The following BLZF1 variants were observed in gnomAD, a reference collection of about 807,000 sequenced individuals.
BLZF1 encodes golgin-45.
A neutral mutation model predicts 43.8 loss-of-function variants in BLZF1; 39 were observed. The ratio of observed to expected loss-of-function variants is 0.89; its 90% CI spans 0.69 to 1.16. The LOEUF is 1.16. BLZF1 is among the 50% of genes most tolerant of loss of function. The pLI, the probability that BLZF1 is intolerant of heterozygous loss-of-function variation, is 0.00. For missense variants in BLZF1, 449 were observed against 469.8 expected, an observed-to-expected ratio of 0.96 and a Z score of 0.41; for synonymous variants, 136 against 159.4, an observed-to-expected ratio of 0.85 and a Z score of 1.11.
chr1:169,381,738 A>G (rs1654533566), intron 5 of BLZF1, among the ~76,000 whole-genome samples: 2 of 152,174 alleles, frequency 1.3e-5, no homozygotes, highest in African/African-American at 4.8e-5. Flanking sequence ...GAATCAATTA[A>G]TGTAACTCAC....
At chr1:169,383,276 C>A (rs1358913145) in intron 6 of BLZF1, among the ~76,000 whole-genome samples, 1 of 152,180 alleles carries the variant, frequency 6.6e-6, no homozygotes, top group African/African-American at 2.4e-5. Flanking sequence ...GCATACATTT[C>A]TCTCAGAGGA....
chr1:169,390,587 ACT>A (rs1654793859), downstream of BLZF1, among the ~76,000 whole-genome samples: 1 of 152,164 alleles, frequency 6.6e-6, no homozygotes, highest in Admixed American at 6.5e-5. Flanking sequence ...GTATTAGTCC[ACT>A]CTCATGGTGC....
At chr1:169,374,169 C>T (rs1368550640) in intron 2 of BLZF1, among the ~76,000 whole-genome samples, 1 of 144,212 alleles carries the variant, frequency 6.9e-6, no homozygotes, top group Non-Finnish European at 1.5e-5. Flanking sequence ...ATTTCAAGAC[C>T]ATTCTGGACA....
At chr1:169,374,592 T>G (rs553942769) in intron 2 of BLZF1, among the ~76,000 whole-genome samples, 38 of 152,276 alleles carry the variant, frequency 2.5e-4, no homozygotes, top group African/African-American at 8.9e-4. Flanking sequence ...CTCAGCTATG[T>G]TTCCACCTCC....
chr1:169,388,000 A>G lies in BLZF1; in HGVS notation c.*818A>G, dbSNP rs1278968349. 1 of 152,166 alleles carries G rather than the reference A, an allele frequency of 6.6e-6. No homozygotes were observed. Among genetic ancestry groups the G allele is most frequent in the Non-Finnish European group, 1.5e-5 (1 of 68,018 alleles). 9.4% of individuals were successfully genotyped at this position (152,166 alleles called of 1,614,324 possible). A position where few individuals can be genotyped will look rare whatever the true frequency, so the allele number is the denominator to read the frequency against. On this transcript the variant is annotated 3_prime_UTR_variant, in exon 7 of 7. Transcript: ENST00000367808. ...CCAACTTGATATTTATAAAAGGTAG[A>G]CTTTTTCCAAAAGTGTATAAGCTCA...
chr1:169,380,582 T>C lies in BLZF1; in HGVS notation c.770T>C (p.Phe257Ser). ...IQDLLSEREQ[F>S]RQEMIATQKL... ...GATCTCCTAAGTGAACGGGAACAGT[T>C]TCGTCAAGAAATGATAGCTACCCAG... Residue 257 changes from phenylalanine (F) to serine (S), a missense_variant, in exon 5 of 7, where the codon TTT becomes TCT. Transcript: ENST00000367808. The C allele has an allele frequency of 6.2e-7, 1 of 1,612,734 alleles. No individual in the cohort carries two copies. Among genetic ancestry groups the C allele is most frequent in the Non-Finnish European group, 8.5e-7 (1 of 1,179,010 alleles).
At chr1:169,377,013 A>G (rs778273325) in intron 3 of BLZF1, 34 bp downstream of exon 3, 2 of 1,544,448 alleles carry the variant, frequency 1.3e-6, no homozygotes, top group Admixed American at 1.8e-5. Flanking sequence ...AATGAGTACT[A>G]CTCTTTACGT....
chr1:169,390,418 A>G (rs1355344432), downstream of BLZF1, among the ~76,000 whole-genome samples: 2 of 152,114 alleles, frequency 1.3e-5, no homozygotes, highest in Non-Finnish European at 2.9e-5. Flanking sequence ...AGAAAGACCA[A>G]ATTGACAAAT....
intron 1 of BLZF1, among the ~76,000 whole-genome samples, chr1:169,368,557 CTACT>C (rs1419081049): frequency 6.6e-6 from 1 of 152,186 alleles, no homozygotes; most frequent in African/African-American, 2.4e-5. Flanking sequence ...CTCACTCCCC[CTACT>C]TACTTCTTCA....
chr1:169,389,923 T>C (rs970520867), downstream of BLZF1, among the ~76,000 whole-genome samples: 1 of 152,164 alleles, frequency 6.6e-6, no homozygotes, highest in African/African-American at 2.4e-5. Flanking sequence ...AGCAGAATAG[T>C]GGTTATCAGG....
intron 6 of BLZF1, among the ~76,000 whole-genome samples, chr1:169,385,246 T>C (rs1205303675): frequency 6.6e-6 from 1 of 152,208 alleles, no homozygotes; most frequent in African/African-American, 2.4e-5. Context: ...TTCTCCTATT[T>C]AACAAAACTG....
chr1:169,392,136 T>C (rs1007960461), downstream of BLZF1, among the ~76,000 whole-genome samples: 5 of 152,168 alleles, frequency 3.3e-5, no homozygotes, highest in Admixed American at 6.5e-5. Flanking sequence ...TGTTCATGTA[T>C]TGAAAGACTG....
In BLZF1 at chr1:169,387,133, T is replaced by C; in HGVS notation, c.1154T>C (p.Ile385Thr). Reference sequence around the variant, plus strand: ...CATCCCTATACTAGATATGAAAATATAACTTTCAATTGCTGCAATCACTGC... The same window carrying C: ...CATCCCTATACTAGATATGAAAATACAACTTTCAATTGCTGCAATCACTGC... ...RFHPYTRYEN[I>T]TFNCCNHCRG... The change falls in exon 7 of 7, where the codon ATA (isoleucine) becomes ACA (threonine). Residue 385 changes from isoleucine to threonine, a missense_variant. Coordinates refer to ENST00000367808, the MANE Select transcript of BLZF1 (RefSeq NM_001320973.2). 6.2e-7 allele frequency: 1 copy of C among 1,613,410 alleles called. No homozygotes were observed. Among genetic ancestry groups the C allele is most frequent in the South Asian group, 1.1e-5 (1 of 90,928 alleles).
intron 7 of BLZF1, chr1:169,395,294 T>C (rs1407619019): frequency 2.6e-6 from 3 of 1,175,218 alleles, no homozygotes; most frequent in Admixed American, 3.0e-5. Flanking sequence ...ACAAAATAAA[T>C]GGACATTTCT....
intron 2 of BLZF1, 69 bp from the exon 3 acceptor site, chr1:169,376,471 A>G: frequency 7.3e-7 from 1 of 1,362,242 alleles, no homozygotes; most frequent in Non-Finnish European, 1.0e-6. Flanking sequence ...TATAGGGTAT[A>G]GCATGTATTA....
At chr1:169,388,951 G>A (rs1039388341), downstream of BLZF1, among the ~76,000 whole-genome samples, 3 of 151,926 alleles carry the variant, frequency 2.0e-5, no homozygotes, top group East Asian at 3.9e-4. Context: ...TGAAACCCCC[G>A]TCTCTACTAA....
At chr1:169,394,110 A>AT (rs980321258) in intron 7 of BLZF1, among the ~76,000 whole-genome samples, 51 of 152,188 alleles carry the variant, frequency 3.4e-4, no homozygotes, top group African/African-American at 1.2e-3. Flanking sequence ...GAGAGAAAGG[A>AT]TTTTGCAACC....
At chr1:169,394,953 C>A in intron 7 of BLZF1, 1 of 1,109,470 alleles carries the variant, frequency 9.0e-7, no homozygotes, top group South Asian at 2.0e-5. Flanking sequence ...ATACCATTTC[C>A]ATAATTTAGA....
chr1:169,372,192 G>T (rs947341426), intron 2 of BLZF1, among the ~76,000 whole-genome samples: 30 of 150,500 alleles, frequency 2.0e-4, no homozygotes, highest in Admixed American at 1.9e-3. Context: ...AACTTTATTA[G>T]GTGATATGGG....
Sources: allele counts gnomAD v4.1 joint callset (sites outside exome capture counted in the v4.1 genomes callset), GRCh38; gene constraint gnomAD v4.1.1; transcripts MANE v1.5; gene names NCBI Gene and HGNC (gene_info 2026-07-23, HGNC 2026-07-21).